PHACTR2: variants seen among roughly 807,000 people sequenced by gnomAD.
PHACTR2 encodes the protein phosphatase and actin regulator 2.
Under a neutral mutation model 76.0 loss-of-function variants are expected in PHACTR2, and 30 were observed. That is an observed-to-expected ratio of 0.39 (90% confidence interval 0.30 to 0.54). The LOEUF (loss-of-function observed/expected upper bound fraction) is 0.54. Ranked by LOEUF, PHACTR2 falls within the 20% of genes least tolerant of loss-of-function variation. The pLI, the probability that PHACTR2 is intolerant of heterozygous loss-of-function variation, is 0.61. For missense variants in PHACTR2, 696 were observed against 781.1 expected (o/e 0.89, Z 1.30); for synonymous variants, 292 against 292.5 (o/e 1.00, Z 0.02).
Position 143,777,328 on chromosome 6 carries a change from G to A in PHACTR2, c.1590G>A (p.Arg530=). The change falls in exon 9 of 13, where the codon AGG becomes AGA. Residue 530 remains arginine, a splice_region_variant and synonymous_variant. Transcript: ENST00000440869. The surrounding 1 kb of genome is among the most constrained non-coding windows in gnomAD (Gnocchi z 4.6). ...IRQQIGTKLV[R]RLSQRPTTEE... ...TAATATATCCTTTTTGTCATCATAG[G>A]AGGCTGAGCCAGAGGCCCACAACTG... 1 of 1,587,326 alleles carries A rather than the reference G, an allele frequency of 6.3e-7. No individual in the cohort carries two copies. The highest frequency in any genetic ancestry group is 8.6e-7 in the Non-Finnish European group (1 of 1,158,214).
intron 12 of PHACTR2, chr6:143,810,533 C>T (rs534203088): frequency 9.5e-5 from 43 of 453,032 alleles, no homozygotes; most frequent in African/African-American, 8.4e-4. Flanking sequence ...GGCATCTTAA[C>T]ATACCTTTAT....
Position 143,611,707 on chromosome 6 carries a change from T to C in PHACTR2, c.13+3385T>C, listed in dbSNP as rs550922415. Among the ~76,000 whole-genome samples the C allele has an allele frequency of 1.3e-5, 2 of 152,338 alleles. No individual in the cohort carries two copies. Among genetic ancestry groups the C allele is most frequent in the East Asian group, 3.9e-4 (2 of 5,194 alleles). On this transcript the variant is annotated intron_variant, in intron 1 of 11. Transcript: ENST00000305766. This position sits in a 1 kb window ranked among gnomAD's most constrained non-coding sequence, Gnocchi z 4.4. ...CAAAAGATTGAAGCAGGTTGCTTTA[T>C]GAACAAATAAATATATGCTCCAGCA...
chr6:143,624,828 C>T lies in PHACTR2; in HGVS notation c.13+16506C>T, dbSNP rs1300327753. Among the ~76,000 whole-genome samples, 2 of 151,976 alleles carry T rather than the reference C, an allele frequency of 1.3e-5. No homozygotes were observed. The highest frequency in any genetic ancestry group is 2.9e-5 in the Non-Finnish European group (2 of 68,010). On this transcript the variant is annotated intron_variant, in intron 1 of 11. Transcript: ENST00000305766. This position sits in a 1 kb window ranked among gnomAD's most constrained non-coding sequence, Gnocchi z 4.6. ...ACAAGCTGAGTACAGTGTCAGATAT[C>T]AGAGATGGAGACCACAGCAAAGAGC...
rs146857881 is a variant in PHACTR2, at chr6:143,754,771, T to C, written c.454+859T>C. On this transcript the variant is annotated intron_variant, in intron 4 of 12. Transcript: ENST00000440869. The surrounding 1 kb of genome is among the most constrained non-coding windows in gnomAD (Gnocchi z 6.2). Reference sequence around the variant, plus strand: ...TGCCTCCATGCAGCATAGAAAGGAATCTTTAGGAAATATACTATTTCCTAT... The same window carrying C: ...TGCCTCCATGCAGCATAGAAAGGAACCTTTAGGAAATATACTATTTCCTAT... Among the ~76,000 whole-genome samples, 6 of 152,276 alleles carry C rather than the reference T, an allele frequency of 3.9e-5. No homozygotes were observed. The South Asian group carries it at 6.2e-4, about 16-fold the overall frequency.
chr6:143,752,785 A>T (rs1779214160), intron 3 of PHACTR2, among the ~76,000 whole-genome samples: 2 of 152,290 alleles, frequency 1.3e-5, no homozygotes, highest in East Asian at 3.9e-4. Flanking sequence ...AAGAGCTGTA[A>T]TCAAGCAGAT....
At position 143,823,826 on chromosome 6, in the gene PHACTR2, C is replaced by A; in HGVS notation, c.*137C>A. The A allele has an allele frequency of 1.3e-6, 1 of 771,786 alleles. No individual in the cohort carries two copies. The highest frequency in any genetic ancestry group is 2.3e-6 in the Non-Finnish European group (1 of 443,124). 47.8% of individuals were successfully genotyped at this position (771,786 alleles called of 1,614,324 possible). ...GTGGTGAAGGAAGTGTGTGACTCAG[C>A]TTGGCTGGGAAGTGCTCCTCACCTG... On this transcript the variant is annotated 3_prime_UTR_variant, in exon 13 of 13. Transcript: ENST00000440869. This position sits in a 1 kb window ranked among gnomAD's most constrained non-coding sequence, Gnocchi z 5.7.
Position 143,687,249 on chromosome 6 carries a change from A to G in PHACTR2, c.46+9040A>G, listed in dbSNP as rs996138731. ...AAAATAATAAATTTATTTTATTTTT[A>G]GCAGTCTGAAAACATAATGACTAAT... On this transcript the variant is annotated intron_variant, in intron 1 of 12. Coordinates refer to ENST00000440869, the MANE Select transcript of PHACTR2 (RefSeq NM_001100164.2). 7.9e-5 allele frequency among the ~76,000 whole-genome samples: 12 copies of G among 152,192 alleles called. 1 individual carries two copies. The highest frequency in any genetic ancestry group is 2.4e-5 in the African/African-American group (1 of 41,440).
chr6:143,825,878 G>A lies in PHACTR2; in HGVS notation c.*2189G>A, dbSNP rs1776520528. 6.6e-6 allele frequency: 1 copy of A among 152,018 alleles called. No homozygotes were observed. The highest frequency in any genetic ancestry group is 2.4e-5 in the African/African-American group (1 of 41,390). 9.4% of individuals were successfully genotyped at this position (152,018 alleles called of 1,614,324 possible). On this transcript the variant is annotated 3_prime_UTR_variant, in exon 13 of 13. Transcript: ENST00000440869. This position sits in a 1 kb window ranked among gnomAD's most constrained non-coding sequence, Gnocchi z 4.1. The stretch of plus-strand genomic sequence containing the variant: ...CAATTTTTTCCCACTTTTGATGCCT[G>A]TGATGCAATTTTTTATTGCCTACAA...
chr6:143,626,121 A>G (rs1447148305), intron 1 of PHACTR2, among the ~76,000 whole-genome samples: 1 of 152,212 alleles, frequency 6.6e-6, no homozygotes, highest in Non-Finnish European at 1.5e-5. Context: ...GAAGTGGCCC[A>G]GTTCAAAGAA....
At chr6:143,808,576 A>G (rs1418480118) in intron 12 of PHACTR2, among the ~76,000 whole-genome samples, 1 of 152,206 alleles carries the variant, frequency 6.6e-6, no homozygotes, top group East Asian at 1.9e-4. Context: ...AAAGTATACA[A>G]GAGGATGGGT....
chr6:143,619,468 A>G lies in PHACTR2; in HGVS notation c.13+11146A>G, dbSNP rs1776114465. Among the ~76,000 whole-genome samples, 1 of 152,222 alleles carries G rather than the reference A, an allele frequency of 6.6e-6. No homozygotes were observed. Among genetic ancestry groups the G allele is most frequent in the African/African-American group, 2.4e-5 (1 of 41,454 alleles). On this transcript the variant is annotated intron_variant, in intron 1 of 11. Transcript: ENST00000305766. This position sits in a 1 kb window ranked among gnomAD's most constrained non-coding sequence, Gnocchi z 4.5. ...GAAAGCACATTATTATTAGAATGCT[A>G]AAGATCTTGTGCCTTGCACAAAAAT... is the stretch of plus-strand genomic sequence containing the variant.
intron 2 of PHACTR2, among the ~76,000 whole-genome samples, chr6:143,723,019 T>C (rs1012844167): frequency 3.3e-5 from 5 of 152,350 alleles, no homozygotes. Context: ...TCTTTACCCA[T>C]TCATCTGTTG....
rs1459541349 is a variant in PHACTR2, at chr6:143,664,182, T to C, written c.14-47834T>C. Among the ~76,000 whole-genome samples the C allele has an allele frequency of 6.6e-6, 1 of 152,156 alleles. No homozygotes were observed. Among genetic ancestry groups the C allele is most frequent in the Non-Finnish European group, 1.5e-5 (1 of 67,990 alleles). On this transcript the variant is annotated intron_variant, in intron 1 of 11. Coordinates refer to the PHACTR2 transcript ENST00000305766. This position sits in a 1 kb window ranked among gnomAD's most constrained non-coding sequence, Gnocchi z 5.1. ...CCTCTATACTATTTGTTATTTTACC[T>C]TCAGTTTTAATTTATCTATTATTAA...
chr6:143,611,748 T>C lies in PHACTR2; in HGVS notation c.13+3426T>C, dbSNP rs533502366. Among the ~76,000 whole-genome samples the C allele has an allele frequency of 6.6e-6, 1 of 152,188 alleles. No homozygotes were observed. The highest frequency in any genetic ancestry group is 2.4e-5 in the African/African-American group (1 of 41,534). ...TGCTCCAGCAGCGTGGCTCTGAAAG[T>C]GGTGTGGATGACAGTGTGGGAAAGT... On this transcript the variant is annotated intron_variant, in intron 1 of 11. Transcript: ENST00000305766. This position sits in a 1 kb window ranked among gnomAD's most constrained non-coding sequence, Gnocchi z 4.4.
chr6:143,552,046 C>T (rs540201455), intron 1 of PHACTR2, among the ~76,000 whole-genome samples: 91 of 152,340 alleles, frequency 6.0e-4, no homozygotes, highest in African/African-American at 2.1e-3. Flanking sequence ...CTGTCTCCCT[C>T]TCTTCGAGTT....
rs181464216 is a variant in PHACTR2 at position 143,756,006 on chromosome 6, T to C, written c.454+2094T>C. The stretch of plus-strand genomic sequence containing the variant: ...CATGATCTTAATTCACCCTTTATTT[T>C]GGGATACAGTGCTCCCTTTCCTCCT... On this transcript the variant is annotated intron_variant, in intron 4 of 12. Coordinates refer to ENST00000440869, the MANE Select transcript of PHACTR2 (RefSeq NM_001100164.2). 1.6e-3 allele frequency among the ~76,000 whole-genome samples: 240 copies of C among 152,148 alleles called. No homozygotes were observed. The Middle Eastern group carries it at 0.02, about 13-fold the overall frequency.
At chr6:143,566,429 G>C (rs1036774938) in intron 1 of PHACTR2, among the ~76,000 whole-genome samples, 2 of 152,036 alleles carry the variant, frequency 1.3e-5, no homozygotes, top group Non-Finnish European at 2.9e-5. Flanking sequence ...AAGTAGCTGG[G>C]ACTACAGGCA....
chr6:143,776,555 C>A lies in PHACTR2; in HGVS notation c.1590-773C>A, dbSNP rs1775276092. Among the ~76,000 whole-genome samples, 1 of 152,146 alleles carries A rather than the reference C, an allele frequency of 6.6e-6. No individual in the cohort carries two copies. Among genetic ancestry groups the A allele is most frequent in the African/African-American group, 2.4e-5 (1 of 41,424 alleles). On this transcript the variant is annotated intron_variant, in intron 8 of 12. Transcript: ENST00000440869. The surrounding 1 kb of genome is among the most constrained non-coding windows in gnomAD (Gnocchi z 5.3). The stretch of plus-strand genomic sequence containing the variant: ...GTCAGGTACCTAGCTAACATCCAGG[C>A]CGATCTGTTGCTAGAAGGAAAGGAG...
rs567714161 is a variant in PHACTR2, at chr6:143,641,423, C to T, written c.13+33101C>T. Among the ~76,000 whole-genome samples, 302 of 152,324 alleles carry T rather than the reference C, an allele frequency of 2.0e-3. 1 individual carries two copies. The highest frequency in any genetic ancestry group is 6.8e-3 in the Middle Eastern group (2 of 294). On this transcript the variant is annotated intron_variant, in intron 1 of 11. Transcript: ENST00000305766. This position sits in a 1 kb window ranked among gnomAD's most constrained non-coding sequence, Gnocchi z 5.8. ...TCCTCCAGTGCCTTGAGAACGAGCA[C>T]TGCCCTGCCAATTCCTGACTTCTTA...
Sources: gnomAD v4.1 joint callset for allele counts (sites outside exome capture counted in the v4.1 genomes callset) on GRCh38, gnomAD v4.1.1 for gene constraint, Gnocchi (gnomAD v3.1) non-coding constraint, MANE v1.5 for transcripts, NCBI Gene and HGNC (gene_info 2026-07-23, HGNC 2026-07-21) for gene names.